AFF1: variants seen among roughly 807,000 people sequenced by gnomAD.
The protein encoded by AFF1 is AF4/FMR2 family member 1.
AFF1 carries 48 observed loss-of-function variants against 121.7 expected under a neutral mutation model. The observed-to-expected ratio is 0.39, with a 90% CI of 0.31 to 0.50. The LOEUF is 0.50. Among genes scored for constraint, AFF1 ranks in the 20% least tolerant of loss-of-function variants. The pLI is 0.76. For missense variants in AFF1, 1,523 were observed against 1,511.7 expected, an observed-to-expected ratio of 1.01 and a Z score of -0.12; for synonymous variants, 613 against 563.0, an observed-to-expected ratio of 1.09 and a Z score of -1.26.
chr4:86,942,770 T>A (rs1477681037), intron 1 of AFF1, among the ~76,000 whole-genome samples: 1 of 151,710 alleles, frequency 6.6e-6, no homozygotes, highest in Non-Finnish European at 1.5e-5. Context: ...ATGAATGAGA[T>A]CTCTCGTTCA....
At chr4:87,000,004 G>C (rs1363196715) in intron 2 of AFF1, among the ~76,000 whole-genome samples, 1 of 152,202 alleles carries the variant, frequency 6.6e-6, no homozygotes, top group African/African-American at 2.4e-5. Flanking sequence ...GCATGTCAAA[G>C]GGGCAAGGAG....
intron 1 of AFF1, among the ~76,000 whole-genome samples, chr4:86,946,708 G>T (rs1329052885): frequency 6.6e-6 from 1 of 151,944 alleles, no homozygotes; most frequent in Non-Finnish European, 1.5e-5. Flanking sequence ...TTAGTACCTG[G>T]CTTACAGCAG....
chr4:86,963,166 C>CAAAAAAAAAAAAAAAAAAAAAAAAAAAAA (rs11341612), intron 2 of AFF1, among the ~76,000 whole-genome samples: 1 of 63,294 alleles, frequency 1.6e-5, no homozygotes, highest in Non-Finnish European at 2.7e-5. Flanking sequence ...ACTCCCATCT[C>CAAAAAAAAAAAAAAAAAAAAAAAAAAAAA]AAAAAAAAAA....
intron 2 of AFF1, among the ~76,000 whole-genome samples, chr4:86,951,549 T>A (rs1004439627): frequency 6.6e-6 from 1 of 152,058 alleles, no homozygotes; most frequent in Admixed American, 6.5e-5. Flanking sequence ...ATATTGTACA[T>A]TTCATATTAA....
At chr4:86,946,162 T>C (rs1009065402) in intron 1 of AFF1, among the ~76,000 whole-genome samples, 1 of 152,146 alleles carries the variant, frequency 6.6e-6, no homozygotes, top group Non-Finnish European at 1.5e-5. Flanking sequence ...CAGATCTCTA[T>C]GGCTTGCTCC....
chr4:86,960,462 AG>A (rs1273693470), intron 2 of AFF1, among the ~76,000 whole-genome samples: 1 of 152,160 alleles, frequency 6.6e-6, no homozygotes, highest in African/African-American at 2.4e-5. Context: ...ATTCCTGTGC[AG>A]TGTAGAAAAA....
chr4:86,970,702 A>G (rs1383020517), intron 2 of AFF1, among the ~76,000 whole-genome samples: 1 of 152,192 alleles, frequency 6.6e-6, no homozygotes, highest in African/African-American at 2.4e-5. Flanking sequence ...GTTCTGTTTT[A>G]TATCTAGTCA....
intron 12 of AFF1, among the ~76,000 whole-genome samples, chr4:87,116,831 G>GGTGT (rs70957208): frequency 8.6e-5 from 13 of 151,174 alleles, no homozygotes; most frequent in East Asian, 3.9e-4. Context: ...GATGGGGTGG[G>GGTGT]GTGTGTGTGT....
chr4:86,941,138 A>G (rs1720423607), intron 1 of AFF1, among the ~76,000 whole-genome samples: 1 of 152,180 alleles, frequency 6.6e-6, no homozygotes, highest in Admixed American at 6.5e-5. Context: ...ATTATACTGC[A>G]TAGTGAACAT....
intron 11 of AFF1, among the ~76,000 whole-genome samples, chr4:87,109,276 T>C (rs1726231110): frequency 6.6e-6 from 1 of 152,234 alleles, no homozygotes; most frequent in African/African-American, 2.4e-5. Flanking sequence ...ATTAACTGAA[T>C]ACATCTGGAG....
intron 4 of AFF1, 161 bp downstream of exon 4, chr4:87,047,755 C>G (rs1578141698): frequency 2.1e-6 from 2 of 944,758 alleles, no homozygotes; most frequent in East Asian, 4.8e-5. Flanking sequence ...GCGAAAAACT[C>G]AGATCTGAGA....
intron 16 of AFF1, among the ~76,000 whole-genome samples, chr4:87,128,178 T>G (rs1476864432): frequency 6.6e-6 from 1 of 152,234 alleles, no homozygotes; most frequent in East Asian, 1.9e-4. Context: ...CATTCCAAAA[T>G]TATCTTAAAG....
At chr4:87,132,469 G>C in intron 19 of AFF1, 61 bp downstream of exon 19, 1 of 1,522,952 alleles carries the variant, frequency 6.6e-7, no homozygotes, top group East Asian at 2.4e-5. Flanking sequence ...TTTACTTCTT[G>C]CTTTTGCAAC....
intron 2 of AFF1, among the ~76,000 whole-genome samples, chr4:87,045,037 T>A (rs1730532475): frequency 6.6e-6 from 1 of 152,026 alleles, no homozygotes; most frequent in Non-Finnish European, 1.5e-5. Flanking sequence ...ATGAGAAGGC[T>A]GAATTAAAGG....
At chr4:87,128,713 C>T (rs1728534663) in intron 16 of AFF1, among the ~76,000 whole-genome samples, 1 of 152,164 alleles carries the variant, frequency 6.6e-6, no homozygotes. Flanking sequence ...CATCAGATAC[C>T]CTTGCATTAG....
At chr4:86,958,623 C>G (rs937702669) in intron 2 of AFF1, among the ~76,000 whole-genome samples, 4 of 151,978 alleles carry the variant, frequency 2.6e-5, no homozygotes, top group East Asian at 2.0e-4. Context: ...GAGGCTGAGG[C>G]AGGCGAACCA....
chr4:87,022,813 A>T (rs1019502921), intron 2 of AFF1, among the ~76,000 whole-genome samples: 1 of 151,254 alleles, frequency 6.6e-6, no homozygotes, highest in Admixed American at 6.6e-5. Flanking sequence ...ATATGCACAC[A>T]CACACACGAA....
intron 4 of AFF1, chr4:87,049,729 G>A (rs1046321777): frequency 4.4e-6 from 2 of 456,102 alleles, no homozygotes; most frequent in Non-Finnish European, 8.8e-6. Context: ...GGCAGCTGTG[G>A]TACCAACTGC....
intron 4 of AFF1, among the ~76,000 whole-genome samples, chr4:87,072,067 A>T (rs925587784): frequency 3.3e-5 from 5 of 152,184 alleles, no homozygotes; most frequent in Non-Finnish European, 7.3e-5. Flanking sequence ...AATGCTTAGA[A>T]GATTTTAAAT....
Sources: gnomAD v4.1 joint callset for allele counts (sites outside exome capture counted in the v4.1 genomes callset) on GRCh38, gnomAD v4.1.1 for gene constraint, MANE v1.5 for transcripts, NCBI Gene and HGNC (gene_info 2026-07-23, HGNC 2026-07-21) for gene names.